The following RIMBP2 variants were observed in gnomAD, a reference collection of about 807,000 sequenced individuals.
The protein encoded by RIMBP2 is RIMS-binding protein 2.
In RIMBP2, 48 loss-of-function variants were observed where a neutral mutation model predicts 118.6. That is an observed-to-expected ratio of 0.40 (90% CI 0.32 to 0.51). The LOEUF (loss-of-function observed/expected upper bound fraction) is 0.51, where lower values mean the gene tolerates loss of function less well. Among genes scored for constraint, RIMBP2 ranks in the 20% least tolerant of loss-of-function variants. RIMBP2 has a pLI of 0.41. For synonymous variants in RIMBP2, 762 were observed against 742.9 expected (o/e 1.03, Z -0.42); for missense variants, 1,551 against 1,768.3 (o/e 0.88, Z 2.20).
intron 2 of RIMBP2, among the ~76,000 whole-genome samples, chr12:130,549,211 A>G (rs2055487676): frequency 6.6e-6 from 1 of 152,230 alleles, no homozygotes; most frequent in Non-Finnish European, 1.5e-5. Flanking sequence ...AACCAAGAGC[A>G]TCCTCAAATC....
intron 2 of RIMBP2, among the ~76,000 whole-genome samples, chr12:130,594,502 GGAA>G (rs2059443474): frequency 6.6e-6 from 1 of 152,108 alleles, no homozygotes; most frequent in Non-Finnish European, 1.5e-5. Flanking sequence ...GGGCCACATT[GGAA>G]GAAGAATTGT....
At chr12:130,499,726 C>T (rs900183983) in intron 4 of RIMBP2, among the ~76,000 whole-genome samples, 2 of 152,140 alleles carry the variant, frequency 1.3e-5, no homozygotes, top group African/African-American at 4.8e-5. Flanking sequence ...TGAGGTCTCC[C>T]CAACCACTAA....
chr12:130,563,534 C>T (rs906512361), intron 2 of RIMBP2, among the ~76,000 whole-genome samples: 15 of 152,334 alleles, frequency 9.8e-5, no homozygotes, highest in Middle Eastern at 6.8e-3. Context: ...AGTATGAAAA[C>T]GGTGACTCAT....
At position 130,619,075 on chromosome 12, in the gene RIMBP2, C is replaced by G. The variant is rs1490504231; in HGVS notation, c.-217+9247G>C. Among the ~76,000 whole-genome samples the G allele has an allele frequency of 2.0e-5, 3 of 152,188 alleles. No homozygotes were observed. The East Asian group carries it at 5.8e-4, about 29-fold the overall frequency. Reference sequence around the variant, plus strand: ...GCAAGCAACCTTCAAATTATGGCACCAAATAGGCAAAACTGAAGAAATAAG... The same window carrying G: ...GCAAGCAACCTTCAAATTATGGCACGAAATAGGCAAAACTGAAGAAATAAG... On this transcript the variant is annotated intron_variant, in intron 2 of 22. Transcript: ENST00000690449.
chr12:130,663,088 C>T (rs890074151), intron 1 of RIMBP2, among the ~76,000 whole-genome samples: 2 of 152,220 alleles, frequency 1.3e-5, no homozygotes, highest in Admixed American at 6.5e-5. Flanking sequence ...TTGGCTCTAA[C>T]ACCTTCAACC....
At chr12:130,458,716 C>A (rs980829207) in intron 6 of RIMBP2, among the ~76,000 whole-genome samples, 2 of 115,438 alleles carry the variant, frequency 1.7e-5, no homozygotes, top group Non-Finnish European at 3.8e-5. Flanking sequence ...GTAACTGGCA[C>A]ACCCATTCCC....
intron 1 of RIMBP2, among the ~76,000 whole-genome samples, chr12:130,684,535 G>A (rs1313400758): frequency 1.3e-5 from 2 of 152,212 alleles, no homozygotes; most frequent in Admixed American, 6.5e-5. Context: ...TTGCTGAGCT[G>A]CATTTTTAGG....
Position 130,424,385 on chromosome 12 carries a change from C to T in RIMBP2, c.2886G>A (p.Arg962=). 1 of 1,232,732 alleles carries T rather than the reference C, an allele frequency of 8.1e-7. No individual in the cohort carries two copies. The highest frequency in any genetic ancestry group is 1.0e-6 in the Non-Finnish European group (1 of 988,168). The allele number at this position is 1,232,732 out of a possible 1,614,324, so 76.4% of individuals were successfully genotyped here. ...RGPRPLLARR[R]TLTRQSSVEE... Reference sequence around the variant, plus strand: ...CCACGCTGCTCTGCCGGGTCAGCGTCCGCCGCCGGGCCAGCAGCGGCCTCG... The same window carrying T: ...CCACGCTGCTCTGCCGGGTCAGCGTTCGCCGCCGGGCCAGCAGCGGCCTCG... The change falls in exon 16 of 23, where the codon CGG becomes CGA. Residue 962 remains arginine, a synonymous_variant. Coordinates refer to ENST00000690449, the MANE Select transcript of RIMBP2 (RefSeq NM_001393629.1). This position sits in a 1 kb window ranked among gnomAD's most constrained non-coding sequence, Gnocchi z 9.8.
At chr12:130,595,979 TGTGCA>T (rs1467356565) in intron 2 of RIMBP2, among the ~76,000 whole-genome samples, 1 of 152,248 alleles carries the variant, frequency 6.6e-6, no homozygotes, top group East Asian at 1.9e-4. Flanking sequence ...GAAAATCTGC[TGTGCA>T]GTTTCTGAAC....
intron 7 of RIMBP2, among the ~76,000 whole-genome samples, chr12:130,454,134 A>G (rs1211585911): frequency 1.3e-5 from 2 of 152,238 alleles, no homozygotes; most frequent in East Asian, 3.8e-4. Flanking sequence ...GGTTTTCACC[A>G]TGAAAAGAAA....
At chr12:130,697,357 C>CA (rs767093747) in intron 1 of RIMBP2, among the ~76,000 whole-genome samples, 16 of 152,220 alleles carry the variant, frequency 1.1e-4, no homozygotes, top group Non-Finnish European at 2.1e-4. Flanking sequence ...CCCCTCTCTA[C>CA]AAAATATCTC....
intron 2 of RIMBP2, among the ~76,000 whole-genome samples, chr12:130,583,684 C>T (rs2058627078): frequency 6.6e-6 from 1 of 151,510 alleles, no homozygotes; most frequent in Non-Finnish European, 1.5e-5. Flanking sequence ...ACGACTATTA[C>T]ATCACCATCA....
chr12:130,691,805 T>C (rs892796431), intron 1 of RIMBP2, among the ~76,000 whole-genome samples: 1 of 152,160 alleles, frequency 6.6e-6, no homozygotes, highest in African/African-American at 2.4e-5. Context: ...TCAGATGATG[T>C]GCAAAATTAT....
At chr12:130,616,838 GA>G (rs1019251651) in intron 2 of RIMBP2, among the ~76,000 whole-genome samples, 1 of 152,234 alleles carries the variant, frequency 6.6e-6, no homozygotes, top group Non-Finnish European at 1.5e-5. Context: ...ACAGGAAGGA[GA>G]AGTCAGAGGG....
chr12:130,532,329 G>T (rs76749369), intron 2 of RIMBP2, among the ~76,000 whole-genome samples: 28 of 133,204 alleles, frequency 2.1e-4, no homozygotes, highest in East Asian at 2.5e-4. Flanking sequence ...CCTCTAGGAG[G>T]TACGTCTAAT....
At chr12:130,568,537 G>A (rs73456718) in intron 2 of RIMBP2, among the ~76,000 whole-genome samples, 2,763 of 152,272 alleles carry the variant, frequency 0.018, 87 homozygotes, top group African/African-American at 0.063. Context: ...TGACAATGAC[G>A]TGCTCCCCTC....
intron 10 of RIMBP2, among the ~76,000 whole-genome samples, chr12:130,444,862 C>T (rs2137228548): frequency 6.6e-6 from 1 of 152,338 alleles, no homozygotes; most frequent in Admixed American, 6.5e-5. Flanking sequence ...AGCAGAGGGT[C>T]TGTCAGTCCC....
intron 14 of RIMBP2, chr12:130,432,232 A>C (rs1298649513): frequency 2.2e-6 from 1 of 456,632 alleles, no homozygotes; most frequent in Non-Finnish European, 4.4e-6. Context: ...GGTCTTCTTC[A>C]GGCCTCGGTT....
chr12:130,553,194 C>A (rs1436165518), intron 2 of RIMBP2, among the ~76,000 whole-genome samples: 1 of 151,676 alleles, frequency 6.6e-6, no homozygotes, highest in Non-Finnish European at 1.5e-5. Context: ...GACAGATCAC[C>A]TCTGATTCAG....
Sources: allele counts gnomAD v4.1 joint callset (sites outside exome capture counted in the v4.1 genomes callset), GRCh38; gene constraint gnomAD v4.1.1; non-coding constraint Gnocchi (gnomAD v3.1); transcripts MANE v1.5; gene names NCBI Gene and HGNC (gene_info 2026-07-23, HGNC 2026-07-21).